KCNS1: variants seen among roughly 807,000 people sequenced by gnomAD.
KCNS1 encodes the protein delayed-rectifier potassium channel regulatory subunit KCNS1.
KCNS1 carries 26 observed loss-of-function variants against 33.1 expected under a neutral mutation model. The ratio of observed to expected loss-of-function variants is 0.79; its 90% CI spans 0.58 to 1.09. The LOEUF (loss-of-function observed/expected upper bound fraction) is 1.09. Among genes scored for constraint, KCNS1 ranks in the 50% least tolerant of loss-of-function variants. The probability of loss-of-function intolerance (pLI) is 0.00; values close to 1 mark genes in which losing one functional copy is unlikely to be tolerated. For synonymous variants in KCNS1, 299 were observed against 338.8 expected (o/e 0.88, Z 1.29); for missense variants, 702 against 752.4 (o/e 0.93, Z 0.78).
At chr20:45,097,630 C>T in intron 3 of KCNS1, 32 bp downstream of exon 3, 1 of 1,573,136 alleles carries the variant, frequency 6.4e-7, no homozygotes, top group African/African-American at 1.3e-5. Context: ...CACCCGCCCA[C>T]CCCAGCTCCA....
Position 45,094,233 on chromosome 20 carries a change from C to G in KCNS1, c.*637G>C, listed in dbSNP as rs1018425282. ...TGATTGCTGACTCCTGTTGGATGCT[C>G]CTAGAAAGGAACCACAGCTGAGATC... On this transcript the variant is annotated 3_prime_UTR_variant, in exon 4 of 4. Transcript: ENST00000537075. 2.0e-5 allele frequency: 3 copies of G among 152,600 alleles called. No individual in the cohort carries two copies. Among genetic ancestry groups the G allele is most frequent in the African/African-American group, 7.2e-5 (3 of 41,458 alleles). The allele number at this position is 152,600 out of a possible 1,614,324, so 9.5% of individuals were successfully genotyped here.
chr20:45,095,393 T>C (rs1451700730), intron 3 of KCNS1, 53 bp from the exon 4 acceptor site: 1 of 1,480,812 alleles, frequency 6.8e-7, no homozygotes, highest in Non-Finnish European at 9.2e-7. Context: ...ACAGTCCTGG[T>C]ATTAGGCATA....
chr20:45,095,121 C>G lies in KCNS1; in HGVS notation c.1330G>C (p.Gly444Arg). 2 of 1,613,850 alleles carry G rather than the reference C, an allele frequency of 1.2e-6. No homozygotes were observed. The highest frequency in any genetic ancestry group is 1.7e-6 in the Non-Finnish European group (2 of 1,179,876). The change falls in exon 4 of 4, where the codon GGG (glycine) becomes CGG (arginine). Residue 444 changes from glycine (G) to arginine (R), a missense_variant. This residue lies in a region of KCNS1 where 253 missense variants were observed against 327.4 expected (regional missense o/e 0.77). Coordinates refer to ENST00000537075, the MANE Select transcript of KCNS1 (RefSeq NM_001322799.2). ...GGGAGTGCTACCACCAGGATGCCCCCTAGGATGCAGCCTGAGGCTGCCAGC... is the reference window on the plus strand; with the variant it reads ...GGGAGTGCTACCACCAGGATGCCCCGTAGGATGCAGCCTGAGGCTGCCAGC... ...GKLAASGCIL[G>R]GILVVALPIT... is the part of the protein sequence containing the mutation.
chr20:45,096,941 G>A (rs966665905), intron 3 of KCNS1, among the ~76,000 whole-genome samples: 3 of 152,190 alleles, frequency 2.0e-5, no homozygotes, highest in Non-Finnish European at 4.4e-5. Context: ...GGCACACGCC[G>A]TTCGCCTTGC....
chr20:45,099,660 G>A (rs1379006232), intron 1 of KCNS1, among the ~76,000 whole-genome samples: 1 of 152,186 alleles, frequency 6.6e-6, no homozygotes, highest in Non-Finnish European at 1.5e-5. Flanking sequence ...GGGCCTTGAG[G>A]AAGCTATTTG....
Position 45,098,801 on chromosome 20 carries a change from T to A in KCNS1, c.77-106A>T. 1 of 1,098,498 alleles carries A rather than the reference T, an allele frequency of 9.1e-7. No individual in the cohort carries two copies. The allele number at this position is 1,098,498 out of a possible 1,614,324, so 68.0% of individuals were successfully genotyped here. ...CAACCAGCCAAGGGGTGTTGGAGGC[T>A]GTGTGTGAAGCATCTGGTATGCAGG... On this transcript the variant is annotated intron_variant, in intron 2 of 3. Transcript: ENST00000537075. The surrounding 1 kb of genome is among the most constrained non-coding windows in gnomAD (Gnocchi z 5.2).
At position 45,100,940 on chromosome 20, in the gene KCNS1, GCGCCT is replaced by G. The variant is rs1472539522; in HGVS notation, c.-28_-24del. ...CCTTACCTGTGGTGGCACCTCCCGG[GCGCCT>G]CGCGTGTCTGTCCCAAAGCCACCGA... On this transcript the variant is annotated 5_prime_UTR_variant, in exon 1 of 4. Transcript: ENST00000537075. The G allele has an allele frequency of 3.3e-5, 5 of 152,364 alleles. No homozygotes were observed. The highest frequency in any genetic ancestry group is 1.2e-4 in the African/African-American group (5 of 41,470). 9.4% of individuals were successfully genotyped at this position (152,364 alleles called of 1,614,324 possible).
Position 45,098,418 on chromosome 20 carries a change from G to GTAGAAGTGCAGCAGGC in KCNS1, c.338_353dup (p.Tyr118Ter). On this transcript the variant is annotated stop_gained and frameshift_variant, in exon 3 of 4. Transcript: ENST00000537075. LOFTEE classifies it high-confidence loss of function. The surrounding 1 kb of genome is among the most constrained non-coding windows in gnomAD (Gnocchi z 5.2). ...CGAGCACGTGCAGGTGGCCAGTGCG[G>GTAGAAGTGCAGCAGGC]TAGAAGTGCAGCAGGCTCAGGAAGA... The GTAGAAGTGCAGCAGGC allele has an allele frequency of 6.3e-7, 1 of 1,597,072 alleles. No individual in the cohort carries two copies. Among genetic ancestry groups the GTAGAAGTGCAGCAGGC allele is most frequent in the South Asian group, 1.1e-5 (1 of 88,460 alleles).
At chr20:45,100,439 TCATC>T (rs1256388464) in intron 1 of KCNS1, 1 of 152,260 alleles carries the variant, frequency 6.6e-6, no homozygotes, top group Non-Finnish European at 1.5e-5. Flanking sequence ...GCAAATCCCT[TCATC>T]CATCAGGAGC....
Position 45,098,065 on chromosome 20 carries a change from G to T in KCNS1, c.707C>A (p.Ala236Asp), listed in dbSNP as rs940819587. The T allele has an allele frequency of 6.5e-7, 1 of 1,549,686 alleles. No homozygotes were observed. The highest frequency in any genetic ancestry group is 1.4e-5 in the African/African-American group (1 of 72,336). Reference protein sequence around the residue: ...SISVVLASIAAMCIHSLPEYQ... With the variant: ...SISVVLASIADMCIHSLPEYQ... ...CTCGGGCAGGCTGTGGATGCACATGGCGGCGATGGAGGCGAGCACCACGCT... is the reference window on the plus strand; with the variant it reads ...CTCGGGCAGGCTGTGGATGCACATGTCGGCGATGGAGGCGAGCACCACGCT... Residue 236 changes from alanine (A) to aspartate (D), a missense_variant, in exon 3 of 4, where the codon GCC (alanine) becomes GAC (aspartate). Physicochemically the swap from Ala to Asp is moderately radical, Grantham distance 126. Coordinates refer to ENST00000537075, the MANE Select transcript of KCNS1 (RefSeq NM_001322799.2). The surrounding 1 kb of genome is among the most constrained non-coding windows in gnomAD (Gnocchi z 5.2).
In KCNS1 at chr20:45,098,221, A is replaced by G; in HGVS notation, c.551T>C (p.Ile184Thr). The G allele has an allele frequency of 6.2e-7, 1 of 1,604,624 alleles. No individual in the cohort carries two copies. Among genetic ancestry groups the G allele is most frequent in the Non-Finnish European group, 8.5e-7 (1 of 1,176,486 alleles). ...PSSVDPCPDE[I>T]SDVQRELARY... ...CGCCAGTTCTCGCTGCACGTCGGAG[A>G]TCTCGTCGGGGCACGGGTCCACGCT... Residue 184 changes from isoleucine to threonine, a missense_variant, in exon 3 of 4, where the codon ATC (isoleucine) becomes ACC (threonine). This residue lies in a region of KCNS1 where 374 missense variants were observed against 352.3 expected (regional missense o/e 1.06). Coordinates refer to ENST00000537075, the MANE Select transcript of KCNS1 (RefSeq NM_001322799.2). This position sits in a 1 kb window ranked among gnomAD's most constrained non-coding sequence, Gnocchi z 5.2.
In KCNS1 at chr20:45,099,256, G is replaced by T. The variant is rs1334532430; in HGVS notation, c.-3-17C>A. The T allele has an allele frequency of 7.6e-6, 10 of 1,319,132 alleles. No individual in the cohort carries two copies. The highest frequency in any genetic ancestry group is 8.6e-6 in the Non-Finnish European group (8 of 935,072). 81.7% of individuals were successfully genotyped at this position (1,319,132 alleles called of 1,614,324 possible). ...CAGCATCACCTGGGAATTTGTCAAAGATGCAAATTCTCAGCCTGCCATCGA... is the reference window on the plus strand; with the variant it reads ...CAGCATCACCTGGGAATTTGTCAAATATGCAAATTCTCAGCCTGCCATCGA... On this transcript the variant is annotated splice_polypyrimidine_tract_variant and intron_variant, in intron 1 of 3. Coordinates refer to ENST00000537075, the MANE Select transcript of KCNS1 (RefSeq NM_001322799.2).
chr20:45,098,533 T>A lies in KCNS1; in HGVS notation c.239A>T (p.Gln80Leu), dbSNP rs1963587368. The A allele has an allele frequency of 1.3e-6, 2 of 1,500,496 alleles. No homozygotes were observed. The highest frequency in any genetic ancestry group is 1.8e-6 in the Non-Finnish European group (2 of 1,123,150). 92.9% of individuals were successfully genotyped at this position (1,500,496 alleles called of 1,614,324 possible). A position where few individuals can be genotyped will look rare whatever the true frequency, so the allele number is the denominator to read the frequency against. ...RFPGTRLGRL[Q>L]AAASEEQARR... ...CGCCTGCTCCTCCGACGCCGCGGCC[T>A]GCAGGCGGCCCAGCCGCGTGCCCGG... The change falls in exon 3 of 4, where the codon CAG (glutamine) becomes CTG (leucine). Residue 80 changes from glutamine (Q) to leucine (L), a missense_variant. Gln to Leu is a moderately radical substitution (Grantham distance 113). Coordinates refer to ENST00000537075, the MANE Select transcript of KCNS1 (RefSeq NM_001322799.2). This position sits in a 1 kb window ranked among gnomAD's most constrained non-coding sequence, Gnocchi z 5.2.
At chr20:45,097,610 C>A in intron 3 of KCNS1, 52 bp downstream of exon 3, 1 of 1,519,366 alleles carries the variant, frequency 6.6e-7, no homozygotes, top group Non-Finnish European at 8.8e-7. Context: ...GCTAACCTGC[C>A]GGATGGCTAC....
chr20:45,096,803 A>G (rs1981199108), intron 3 of KCNS1, among the ~76,000 whole-genome samples: 1 of 152,200 alleles, frequency 6.6e-6, no homozygotes, highest in African/African-American at 2.4e-5. Context: ...ACCAAGTCCA[A>G]AATCATGTGC....
intron 3 of KCNS1, 151 bp downstream of exon 3, chr20:45,097,511 A>G: frequency 1.4e-6 from 1 of 730,822 alleles, no homozygotes; most frequent in Non-Finnish European, 2.2e-6. Context: ...TGTGAAACGT[A>G]CACCTGGTGT....
In KCNS1 at chr20:45,099,380, C is replaced by G. The variant is rs1194430730; in HGVS notation, c.-3-141G>C. On this transcript the variant is annotated intron_variant, in intron 1 of 3. Transcript: ENST00000537075. ...ACATAGTCAAGTTTGAGAGCTCCTG[C>G]TTTAGATTATGTAAAGCATCTGTAG... 2.0e-5 allele frequency: 13 copies of G among 640,614 alleles called. No individual in the cohort carries two copies. In the East Asian group the frequency reaches 3.6e-4, roughly 18 times the overall value. The allele number at this position is 640,614 out of a possible 1,614,324, so 39.7% of individuals were successfully genotyped here.
chr20:45,097,224 T>C (rs1981212525), intron 3 of KCNS1, among the ~76,000 whole-genome samples: 2 of 152,242 alleles, frequency 1.3e-5, no homozygotes, highest in African/African-American at 4.8e-5. Context: ...CCTGGGGCTA[T>C]TCCTAGACTT....
intron 1 of KCNS1, 140 bp from the exon 2 acceptor site, chr20:45,099,379 G>C: frequency 1.6e-6 from 1 of 640,104 alleles, no homozygotes; most frequent in Non-Finnish European, 2.8e-6. Flanking sequence ...GAGAGCTCCT[G>C]CTTTAGATTA....
Sources: gnomAD v4.1 joint callset for allele counts (sites outside exome capture counted in the v4.1 genomes callset) on GRCh38, gnomAD v4.1.1 for gene constraint, gnomAD v4.1.1 regional missense constraint, Gnocchi (gnomAD v3.1) non-coding constraint, MANE v1.5 for transcripts, NCBI Gene and HGNC (gene_info 2026-07-23, HGNC 2026-07-21) for gene names.